Variants in MAP4K4 observed in about 807,000 individuals in gnomAD.
The protein encoded by MAP4K4 is HPK/GCK-like kinase HGK.
Under a neutral mutation model 189.6 loss-of-function variants are expected in MAP4K4, and 38 were observed. That is an observed-to-expected ratio of 0.20 (90% CI 0.15 to 0.26). The LOEUF is 0.26. Among genes scored for constraint, MAP4K4 ranks in the 10% least tolerant of loss-of-function variants. The pLI is 1.00. For missense variants in MAP4K4, 1,054 were observed against 1,726.9 expected (o/e 0.61, Z 6.91); for synonymous variants, 610 against 624.3 (o/e 0.98, Z 0.34).
At chr2:101,893,937 C>T (rs1276031756) in exon 33 of MAP4K4, 2 of 152,380 alleles carry the variant, frequency 1.3e-5, no homozygotes. Flanking sequence ...TTGTCCTTCT[C>T]GGCGGGGGCT....
chr2:101,763,062 G>C (rs750809419), intron 2 of MAP4K4, among the ~76,000 whole-genome samples: 1 of 152,154 alleles, frequency 6.6e-6, no homozygotes, highest in Non-Finnish European at 1.5e-5. Flanking sequence ...CCAGATGCAG[G>C]GTCAGACCTC....
intron 3 of MAP4K4, among the ~76,000 whole-genome samples, chr2:101,804,441 C>A (rs925937168): frequency 2.0e-5 from 3 of 152,128 alleles, no homozygotes; most frequent in Admixed American, 1.3e-4. Flanking sequence ...AGTGCAAATT[C>A]TGCCTAGATG....
At chr2:101,874,553 G>A (rs1407907542) in intron 26 of MAP4K4, among the ~76,000 whole-genome samples, 2 of 152,114 alleles carry the variant, frequency 1.3e-5, no homozygotes, top group African/African-American at 2.4e-5. Context: ...TGGGTTTTTA[G>A]TGTAACCATC....
intron 3 of MAP4K4, among the ~76,000 whole-genome samples, chr2:101,818,381 T>C (rs2095845552): frequency 6.6e-6 from 1 of 152,202 alleles, no homozygotes; most frequent in African/African-American, 2.4e-5. Context: ...TTTTCTTTTA[T>C]CCAGCTGTCG....
chr2:101,831,902 G>A, intron 7 of MAP4K4, 51 bp downstream of exon 7: 4 of 1,594,138 alleles, frequency 2.5e-6, no homozygotes, highest in Non-Finnish European at 2.6e-6. Flanking sequence ...GCATACCCGA[G>A]GGATGGGGGC....
intron 24 of MAP4K4, among the ~76,000 whole-genome samples, chr2:101,873,390 G>C (rs1056017178): frequency 1.3e-5 from 2 of 152,026 alleles, no homozygotes; most frequent in African/African-American, 4.8e-5. Context: ...TTCATTGGTA[G>C]CTTGCAGCAC....
At chr2:101,889,528 A>G (rs1432378836) in intron 32 of MAP4K4, among the ~76,000 whole-genome samples, 1 of 152,152 alleles carries the variant, frequency 6.6e-6, no homozygotes, top group Non-Finnish European at 1.5e-5. Context: ...CCTCCCAGGA[A>G]GTCCCTTTTA....
intron 2 of MAP4K4, among the ~76,000 whole-genome samples, chr2:101,729,872 C>T (rs1007625424): frequency 2.0e-5 from 3 of 152,162 alleles, no homozygotes; most frequent in African/African-American, 7.2e-5. Context: ...GTTTTCCTCT[C>T]TTGAGGGTTA....
At chr2:101,765,743 T>C (rs1460460537) in intron 2 of MAP4K4, among the ~76,000 whole-genome samples, 1 of 152,248 alleles carries the variant, frequency 6.6e-6, no homozygotes, top group Non-Finnish European at 1.5e-5. Flanking sequence ...AATCTAGGTA[T>C]TAAGTAATCA....
intron 26 of MAP4K4, among the ~76,000 whole-genome samples, chr2:101,874,925 A>T (rs2098157549): frequency 6.6e-6 from 1 of 152,152 alleles, no homozygotes; most frequent in Admixed American, 6.5e-5. Flanking sequence ...ATTCTTTCTC[A>T]CTGTAAAATC....
At chr2:101,714,811 G>C (rs1476482659) in intron 2 of MAP4K4, among the ~76,000 whole-genome samples, 1 of 152,122 alleles carries the variant, frequency 6.6e-6, no homozygotes, top group African/African-American at 2.4e-5. Context: ...TCCATAGGCT[G>C]CAGTCCACTT....
chr2:101,871,786 C>G (rs2098033126), intron 24 of MAP4K4, 101 bp downstream of exon 24: 1 of 1,063,118 alleles, frequency 9.4e-7, no homozygotes, highest in African/African-American at 1.6e-5. Flanking sequence ...CACCCCTTCC[C>G]TTCCCACCCT....
intron 3 of MAP4K4, among the ~76,000 whole-genome samples, chr2:101,791,649 G>T (rs1260392700): frequency 6.6e-6 from 1 of 152,186 alleles, no homozygotes; most frequent in East Asian, 1.9e-4. Context: ...TCTGGGGTCT[G>T]TCAAGGGAGA....
intron 2 of MAP4K4, among the ~76,000 whole-genome samples, chr2:101,775,733 C>T (rs1052721005): frequency 7.2e-5 from 11 of 152,204 alleles, no homozygotes; most frequent in African/African-American, 2.2e-4. Flanking sequence ...TGCCCCGAGG[C>T]AGCCCTGGTT....
chr2:101,700,491 C>G (rs951391011), intron 2 of MAP4K4, among the ~76,000 whole-genome samples: 1 of 152,156 alleles, frequency 6.6e-6, no homozygotes, highest in African/African-American at 2.4e-5. Context: ...CAGTCCAGAA[C>G]AAAATAGTGC....
At chr2:101,713,183 C>G (rs2046555121) in intron 2 of MAP4K4, among the ~76,000 whole-genome samples, 1 of 151,686 alleles carries the variant, frequency 6.6e-6, no homozygotes, top group African/African-American at 2.4e-5. Context: ...GCTGGGATTA[C>G]AGGTGTGAAC....
chr2:101,797,737 A>G (rs1196167612), intron 3 of MAP4K4, among the ~76,000 whole-genome samples: 2 of 152,026 alleles, frequency 1.3e-5, no homozygotes, highest in Non-Finnish European at 2.9e-5. Flanking sequence ...AAAATCAACT[A>G]CATTTTATTT....
intron 2 of MAP4K4, among the ~76,000 whole-genome samples, chr2:101,718,076 G>A (rs1282083397): frequency 1.3e-5 from 2 of 152,020 alleles, no homozygotes; most frequent in Non-Finnish European, 2.9e-5. Context: ...GACCAACATG[G>A]AGAAACCCCA....
intron 13 of MAP4K4, among the ~76,000 whole-genome samples, chr2:101,856,660 A>G (rs531008716): frequency 6.6e-6 from 1 of 152,322 alleles, no homozygotes; most frequent in East Asian, 1.9e-4. Context: ...AGGTTTTAAT[A>G]ATATTTGCAG....
Sources: allele counts gnomAD v4.1 joint callset (sites outside exome capture counted in the v4.1 genomes callset), GRCh38; gene constraint gnomAD v4.1.1; transcripts MANE v1.5; gene names NCBI Gene and HGNC (gene_info 2026-07-23, HGNC 2026-07-21).